The following CLASP2 variants were observed in gnomAD, a reference collection of about 807,000 sequenced individuals.
CLASP2 encodes cytoplasmic linker associated protein 2, also known as CLIP-associating protein 2.
Under a neutral mutation model 194.4 loss-of-function variants are expected in CLASP2, and 47 were observed. The observed-to-expected ratio is 0.24, with a 90% CI of 0.19 to 0.31. The LOEUF is 0.31. Ranked by LOEUF, CLASP2 falls within the 10% of genes least tolerant of loss-of-function variation. The pLI, the probability that CLASP2 is intolerant of heterozygous loss-of-function variation, is 1.00. For synonymous variants in CLASP2, 619 were observed against 633.5 expected, an observed-to-expected ratio of 0.98 and a Z score of 0.34; for missense variants, 1,445 against 1,823.6, an observed-to-expected ratio of 0.79 and a Z score of 3.78.
chr3:33,514,637 T>C (rs1019721623), intron 36 of CLASP2: 3 of 311,232 alleles, frequency 9.6e-6, no homozygotes, highest in Admixed American at 3.4e-5. Flanking sequence ...GAACTAAAAG[T>C]AGAACTCCAT....
chr3:33,518,233 G>T (rs758736826), intron 34 of CLASP2, among the ~76,000 whole-genome samples: 41 of 152,134 alleles, frequency 2.7e-4, no homozygotes, highest in Non-Finnish European at 5.7e-4. Flanking sequence ...CTTTTTAAAA[G>T]CATAATTACA....
chr3:33,622,346 C>T, intron 10 of CLASP2, 66 bp from the exon 11 acceptor site: 2 of 1,268,624 alleles, frequency 1.6e-6, no homozygotes, highest in Non-Finnish European at 2.1e-6. Context: ...GCTACCTAAA[C>T]TTCATTATTC....
At chr3:33,604,073 T>C (rs1026473267) in intron 17 of CLASP2, 81 bp downstream of exon 17, 8 of 1,024,436 alleles carry the variant, frequency 7.8e-6, no homozygotes, top group Non-Finnish European at 1.2e-5. Flanking sequence ...ATCTTTTCAC[T>C]ATGGAGCACA....
intron 20 of CLASP2, 127 bp from the exon 21 acceptor site, chr3:33,592,623 T>A: frequency 1.3e-6 from 1 of 770,996 alleles, no homozygotes. Flanking sequence ...CAATTACGGG[T>A]TCTATTTCTC....
intron 12 of CLASP2, among the ~76,000 whole-genome samples, chr3:33,617,954 T>A (rs868263246): frequency 0.029 from 4,243 of 145,488 alleles, 172 homozygotes; most frequent in African/African-American, 0.095. Context: ...TATATATATT[T>A]TTTTTTTTTT....
chr3:33,665,587 T>C (rs185105720), intron 6 of CLASP2, among the ~76,000 whole-genome samples: 2 of 152,290 alleles, frequency 1.3e-5, no homozygotes, highest in East Asian at 3.9e-4. Flanking sequence ...ATTCTCACTT[T>C]ACCAACTTTC....
intron 6 of CLASP2, among the ~76,000 whole-genome samples, chr3:33,679,859 A>G (rs1319924493): frequency 6.6e-6 from 1 of 152,212 alleles, no homozygotes; most frequent in East Asian, 1.9e-4. Context: ...CTTACCATGC[A>G]ACACAGTGAT....
At chr3:33,516,289 A>C (rs975735652) in intron 35 of CLASP2, 138 bp from the exon 36 acceptor site, 6 of 588,704 alleles carry the variant, frequency 1.0e-5, no homozygotes, top group African/African-American at 9.6e-5. Flanking sequence ...TATACTATGT[A>C]ATTAAGTTTT....
In CLASP2 at chr3:33,621,989, A is replaced by G. The variant is rs956219453; in HGVS notation, c.1181+146T>C. 27 of 525,546 alleles carry G rather than the reference A, an allele frequency of 5.1e-5. 1 individual carries two copies. In the Admixed American group the frequency reaches 9.1e-4, roughly 18 times the overall value. 32.6% of individuals were successfully genotyped at this position (525,546 alleles called of 1,614,324 possible). ...TTAAGGAATTTTTTAAAAATCATAC[A>G]GATTGAATCCTTATGTATAATAAAA... On this transcript the variant is annotated intron_variant, in intron 11 of 38. Transcript: ENST00000682230.
At chr3:33,571,014 A>ATTTTTTTTTTTTTTTTTTTTTTTTTTTT (rs1276472825) in intron 25 of CLASP2, among the ~76,000 whole-genome samples, 1 of 127,744 alleles carries the variant, frequency 7.8e-6, no homozygotes, top group Non-Finnish European at 1.7e-5. Context: ...TGTCTCTATA[A>ATTTTTTTTTTTTTTTTTTTTTTTTTTTT]ATTTTTTTTT....
At chr3:33,643,649 A>G (rs1181441491) in intron 8 of CLASP2, among the ~76,000 whole-genome samples, 1 of 152,012 alleles carries the variant, frequency 6.6e-6, no homozygotes, top group East Asian at 1.9e-4. Context: ...GTATGTATAT[A>G]TATCACACCA....
intron 36 of CLASP2, among the ~76,000 whole-genome samples, chr3:33,512,525 T>G (rs1575684162): frequency 3.5e-5 from 1 of 28,960 alleles, no homozygotes. Context: ...ACCTGCACAA[T>G]GTGCACATGT....
intron 36 of CLASP2, among the ~76,000 whole-genome samples, chr3:33,512,771 C>T (rs935193049): frequency 1.1e-4 from 17 of 150,248 alleles, no homozygotes; most frequent in African/African-American, 3.9e-4. Flanking sequence ...AGGCAGATCA[C>T]GAGGTCAGGA....
In CLASP2 at chr3:33,544,849, A is replaced by G; in HGVS notation, c.3154-8T>C. 1 of 1,597,098 alleles carries G rather than the reference A, an allele frequency of 6.3e-7. No homozygotes were observed. Among genetic ancestry groups the G allele is most frequent in the Non-Finnish European group, 8.5e-7 (1 of 1,172,882 alleles). On this transcript the variant is annotated splice_polypyrimidine_tract_variant and splice_region_variant and intron_variant, in intron 30 of 38. Transcript: ENST00000682230. ...CAGCACTGACTGTGCTGCCTAAAAA[A>G]CAAAGGCATACAGTAGATGAATATA...
Position 33,538,897 on chromosome 3 carries a change from A to T in CLASP2, c.3450T>A (p.Tyr1150Ter). 1 of 1,602,172 alleles carries T rather than the reference A, an allele frequency of 6.2e-7. No homozygotes were observed. The highest frequency in any genetic ancestry group is 8.5e-7 in the Non-Finnish European group (1 of 1,174,884). Residue 1150 changes from tyrosine (Y) to a stop codon, truncating the protein, a stop_gained, in exon 33 of 39, where the codon TAT becomes TAA. Coordinates refer to ENST00000682230, the MANE Select transcript of CLASP2 (RefSeq NM_001365631.1). LOFTEE classifies it high-confidence loss of function. ...DTENMNSEDIYSSLRGVTEAI... is the reference protein window; with the variant it reads ...DTENMNSEDI ...CTTCAGTGACACCTCTAAGAGAGCT[A>T]TAAATATCTTCAGAGTTCATATTTT...
chr3:33,595,014 T>C, intron 19 of CLASP2, 46 bp from the exon 20 acceptor site: 1 of 1,326,376 alleles, frequency 7.5e-7, no homozygotes, highest in Non-Finnish European at 1.0e-6. Flanking sequence ...TCTGCCAATG[T>C]TGATATTAAG....
chr3:33,588,647 C>A, intron 21 of CLASP2: 1 of 698,582 alleles, frequency 1.4e-6, no homozygotes, highest in South Asian at 1.5e-5. Context: ...ACCCATTCTT[C>A]ATAATGAAAA....
chr3:33,633,490 G>A (rs1346799018), intron 8 of CLASP2, among the ~76,000 whole-genome samples: 1 of 152,160 alleles, frequency 6.6e-6, no homozygotes, highest in African/African-American at 2.4e-5. Context: ...CTAAGTTCAA[G>A]CAATGAGTTC....
intron 7 of CLASP2, 82 bp from the exon 8 acceptor site, chr3:33,644,985 C>T: frequency 7.2e-7 from 1 of 1,389,026 alleles, no homozygotes; most frequent in Non-Finnish European, 9.9e-7. Context: ...AAAATAAAGC[C>T]ATATATAAAA....
Sources: gnomAD v4.1 joint callset for allele counts (sites outside exome capture counted in the v4.1 genomes callset) on GRCh38, gnomAD v4.1.1 for gene constraint, MANE v1.5 for transcripts, NCBI Gene and HGNC (gene_info 2026-07-23, HGNC 2026-07-21) for gene names.